UNC5D: variants seen among roughly 807,000 people sequenced by gnomAD.
UNC5D encodes netrin receptor UNC5D.
UNC5D carries 39 observed loss-of-function variants against 105.4 expected under a neutral mutation model. The observed-to-expected ratio is 0.37, with a 90% CI of 0.29 to 0.48. The LOEUF is 0.48. Among genes scored for constraint, UNC5D ranks in the 20% least tolerant of loss-of-function variants. UNC5D has a pLI of 0.98. For synonymous variants in UNC5D, 452 were observed against 450.4 expected, an observed-to-expected ratio of 1.00 and a Z score of -0.04; for missense variants, 991 against 1,202.4, an observed-to-expected ratio of 0.82 and a Z score of 2.60.
At chr8:35,778,539 A>T (rs1190306260) in intron 16 of UNC5D, among the ~76,000 whole-genome samples, 1 of 152,214 alleles carries the variant, frequency 6.6e-6, no homozygotes, top group East Asian at 1.9e-4. Context: ...AAAGCTATGC[A>T]TGGCTGAGGA....
At chr8:35,315,423 G>T (rs1159396289) in intron 1 of UNC5D, among the ~76,000 whole-genome samples, 1 of 151,994 alleles carries the variant, frequency 6.6e-6, no homozygotes, top group Non-Finnish European at 1.5e-5. Flanking sequence ...TTTGGCTGGG[G>T]CAGTGCAGAT....
intron 10 of UNC5D, among the ~76,000 whole-genome samples, chr8:35,728,090 AAAAAAAT>A (rs1322196347): frequency 4.8e-4 from 68 of 142,702 alleles, no homozygotes; most frequent in African/African-American, 1.8e-3. Flanking sequence ...AAAAAAAAAA[AAAAAAAT>A]ATATATATAT....
chr8:35,459,677 A>G (rs1490219432), intron 1 of UNC5D, among the ~76,000 whole-genome samples: 2 of 152,222 alleles, frequency 1.3e-5, no homozygotes, highest in Non-Finnish European at 2.9e-5. Context: ...GATTAGGTGA[A>G]GGAAATGTTT....
Position 35,684,624 on chromosome 8 carries a change from A to C in UNC5D, c.794A>C (p.Asn265Thr). The C allele has an allele frequency of 6.2e-7, 1 of 1,613,496 alleles. No individual in the cohort carries two copies. The highest frequency in any genetic ancestry group is 8.5e-7 in the Non-Finnish European group (1 of 1,179,906). Residue 265 changes from asparagine (N) to threonine (T), a missense_variant, in exon 6 of 17, where the codon AAT becomes ACT. Around this residue, in one of 3 missense-constraint regions of UNC5D, gnomAD observed 944 missense variants for 1,131.6 expected, o/e 0.83. Coordinates refer to ENST00000404895, the MANE Select transcript of UNC5D (RefSeq NM_080872.4). ...WSSWTEWSAC[N>T]VRCGRGWQKR... is the part of the protein sequence containing the mutation. The stretch of plus-strand genomic sequence containing the variant: ...TCCTGGACAGAGTGGTCAGCCTGCA[A>C]TGTTCGCTGTGGTAGAGGATGGCAG...
intron 1 of UNC5D, among the ~76,000 whole-genome samples, chr8:35,420,176 A>C (rs1805802390): frequency 6.6e-6 from 1 of 152,152 alleles, no homozygotes; most frequent in Non-Finnish European, 1.5e-5. Context: ...CATATTGAAG[A>C]ATCATTCAAG....
chr8:35,721,525 T>A, intron 8 of UNC5D: 1 of 702,856 alleles, frequency 1.4e-6, no homozygotes, highest in Non-Finnish European at 2.6e-6. Context: ...CACAATAAAT[T>A]ATTAGAGTCT....
intron 3 of UNC5D, among the ~76,000 whole-genome samples, chr8:35,575,527 C>G (rs1389292766): frequency 1.3e-5 from 2 of 152,162 alleles, no homozygotes; most frequent in African/African-American, 4.8e-5. Context: ...ATGAGAATCA[C>G]TAACTCTCTG....
At chr8:35,356,722 C>A (rs1801579947) in intron 1 of UNC5D, among the ~76,000 whole-genome samples, 1 of 151,836 alleles carries the variant, frequency 6.6e-6, no homozygotes. Flanking sequence ...ATCCAAATTG[C>A]CTGCATGACT....
chr8:35,758,148 G>A (rs1329161708), intron 13 of UNC5D, among the ~76,000 whole-genome samples: 3 of 152,148 alleles, frequency 2.0e-5, no homozygotes, highest in Non-Finnish European at 4.4e-5. Context: ...TTTAGTCCTG[G>A]AAAAAGATAC....
At chr8:35,465,890 C>T (rs750830183) in intron 1 of UNC5D, among the ~76,000 whole-genome samples, 1 of 152,042 alleles carries the variant, frequency 6.6e-6, no homozygotes, top group Non-Finnish European at 1.5e-5. Flanking sequence ...ACTCCATCCA[C>T]CATTGCTCAT....
chr8:35,665,711 G>A (rs2131253231), intron 4 of UNC5D, among the ~76,000 whole-genome samples: 1 of 148,874 alleles, frequency 6.7e-6, no homozygotes, highest in African/African-American at 2.5e-5. Flanking sequence ...TGATCTCACA[G>A]GGACTAAATA....
At chr8:35,533,822 A>T (rs747526623) in intron 1 of UNC5D, among the ~76,000 whole-genome samples, 1 of 152,014 alleles carries the variant, frequency 6.6e-6, no homozygotes, top group African/African-American at 2.4e-5. Context: ...AAGTGCGTCC[A>T]TCACCCCTTT....
chr8:35,566,576 G>A (rs1817353832), intron 2 of UNC5D, among the ~76,000 whole-genome samples: 1 of 152,196 alleles, frequency 6.6e-6, no homozygotes, highest in African/African-American at 2.4e-5. Context: ...GCATAGTGCT[G>A]GTTTTGGTGT....
chr8:35,478,992 G>T (rs1207161914), intron 1 of UNC5D, among the ~76,000 whole-genome samples: 1 of 152,162 alleles, frequency 6.6e-6, no homozygotes, highest in Non-Finnish European at 1.5e-5. Flanking sequence ...TTTTTGGAAT[G>T]AAAGACTTAG....
At chr8:35,314,016 C>A (rs541749046) in intron 1 of UNC5D, among the ~76,000 whole-genome samples, 1 of 152,020 alleles carries the variant, frequency 6.6e-6, no homozygotes, top group Non-Finnish European at 1.5e-5. Flanking sequence ...TTCTAATTTT[C>A]GAAATTGATG....
At chr8:35,453,261 T>A (rs933525693) in intron 1 of UNC5D, among the ~76,000 whole-genome samples, 4 of 152,188 alleles carry the variant, frequency 2.6e-5, no homozygotes, top group Non-Finnish European at 5.9e-5. Flanking sequence ...CAGAGTTATT[T>A]TTTTAGCCAT....
intron 14 of UNC5D, among the ~76,000 whole-genome samples, chr8:35,760,040 CTTT>C (rs796124727): frequency 3.8e-5 from 5 of 132,938 alleles, no homozygotes; most frequent in Non-Finnish European, 1.6e-5. Flanking sequence ...TTTACTTTTT[CTTT>C]TTTTTTTTTT....
intron 7 of UNC5D, among the ~76,000 whole-genome samples, chr8:35,694,548 T>C (rs1826622795): frequency 6.6e-6 from 1 of 152,222 alleles, no homozygotes; most frequent in Non-Finnish European, 1.5e-5. Context: ...AGTGTCTTAA[T>C]TTCTCTAAGC....
At chr8:35,568,582 G>A (rs951517394) in intron 3 of UNC5D, among the ~76,000 whole-genome samples, 2 of 152,214 alleles carry the variant, frequency 1.3e-5, no homozygotes, top group Non-Finnish European at 2.9e-5. Context: ...CCAGCTACTT[G>A]AGAGGCTGAG....
Sources: gnomAD v4.1 joint callset for allele counts (sites outside exome capture counted in the v4.1 genomes callset) on GRCh38, gnomAD v4.1.1 for gene constraint, gnomAD v4.1.1 regional missense constraint, MANE v1.5 for transcripts, NCBI Gene and HGNC (gene_info 2026-07-23, HGNC 2026-07-21) for gene names.